SMCHD1: variants seen among roughly 807,000 people sequenced by gnomAD.
SMCHD1 encodes structural maintenance of chromosomes flexible hinge domain-containing protein 1.
SMCHD1 carries 78 observed loss-of-function variants against 254.7 expected under a neutral mutation model. The observed-to-expected ratio is 0.31, with a 90% CI of 0.26 to 0.37. The LOEUF (loss-of-function observed/expected upper bound fraction) is 0.37. SMCHD1 is among the 10% of genes least tolerant of loss of function. The pLI is 1.00. For missense variants in SMCHD1, 1,840 were observed against 2,408.1 expected, an observed-to-expected ratio of 0.76 and a Z score of 4.94; for synonymous variants, 766 against 794.9, an observed-to-expected ratio of 0.96 and a Z score of 0.61.
intron 45 of SMCHD1, among the ~76,000 whole-genome samples, chr18:2,792,395 T>C (rs1419614860): frequency 6.6e-6 from 1 of 152,224 alleles, no homozygotes; most frequent in Non-Finnish European, 1.5e-5. Context: ...CTACATACCA[T>C]GTAGGTTTGT....
At chr18:2,800,628 A>C in intron 47 of SMCHD1, 1 of 152,144 alleles carries the variant, frequency 6.6e-6, no homozygotes, top group East Asian at 1.9e-4. Context: ...CTGAGTCACC[A>C]TGCTCGGCCC....
intron 34 of SMCHD1, among the ~76,000 whole-genome samples, chr18:2,758,118 C>T (rs1380756542): frequency 6.6e-6 from 1 of 151,942 alleles, no homozygotes; most frequent in Non-Finnish European, 1.5e-5. Flanking sequence ...TCGTTTTTTT[C>T]CTGATAATCT....
chr18:2,662,483 A>G (rs1458695764), intron 1 of SMCHD1, among the ~76,000 whole-genome samples: 4 of 151,640 alleles, frequency 2.6e-5, no homozygotes, highest in Admixed American at 2.6e-4. Flanking sequence ...TGTCTCTACT[A>G]AAAATGCAAA....
chr18:2,699,341 T>G (rs1342188999), intron 10 of SMCHD1, among the ~76,000 whole-genome samples: 1 of 152,188 alleles, frequency 6.6e-6, no homozygotes, highest in Non-Finnish European at 1.5e-5. Flanking sequence ...TTTTTGGTTT[T>G]GTTTTTTATT....
intron 5 of SMCHD1, 84 bp downstream of exon 5, chr18:2,674,229 T>TGA: frequency 8.7e-7 from 1 of 1,149,048 alleles, no homozygotes; most frequent in Non-Finnish European, 1.2e-6. Context: ...TGGATGCATA[T>TGA]GATACATTGG....
chr18:2,754,101 T>A (rs2075627593), intron 34 of SMCHD1, among the ~76,000 whole-genome samples: 1 of 152,238 alleles, frequency 6.6e-6, no homozygotes. Flanking sequence ...CATCTTTGCC[T>A]ATCCTGTGGC....
At position 2,804,087 on chromosome 18, in the gene SMCHD1, T is replaced by C. The variant is rs1266100350; in HGVS notation, c.*1535T>C. ...TTTGGAGTCCTTAGACATTAGATTA[T>C]ATGAAAATGATTGATTGATAGGTAA... On this transcript the variant is annotated 3_prime_UTR_variant, in exon 48 of 48. Coordinates refer to ENST00000320876, the MANE Select transcript of SMCHD1 (RefSeq NM_015295.3). 1 of 152,234 alleles carries C rather than the reference T, an allele frequency of 6.6e-6. No homozygotes were observed. Among genetic ancestry groups the C allele is most frequent in the African/African-American group, 2.4e-5 (1 of 41,450 alleles). The allele number at this position is 152,234 out of a possible 1,614,324, so 9.4% of individuals were successfully genotyped here.
intron 19 of SMCHD1, among the ~76,000 whole-genome samples, chr18:2,721,288 A>G (rs1568232295): frequency 2.0e-5 from 3 of 151,768 alleles, no homozygotes; most frequent in Admixed American, 1.3e-4. Context: ...TTTCTTGTTT[A>G]CTGCTTTTGT....
chr18:2,737,222 A>C (rs1428134853), intron 25 of SMCHD1, among the ~76,000 whole-genome samples: 1 of 152,122 alleles, frequency 6.6e-6, no homozygotes, highest in African/African-American at 2.4e-5. Context: ...TGGAGATTCC[A>C]AAAAAGGGGA....
At chr18:2,762,038 T>C in intron 35 of SMCHD1, 67 bp from the exon 36 acceptor site, 1 of 1,354,588 alleles carries the variant, frequency 7.4e-7, no homozygotes. Flanking sequence ...TTGTTATGTC[T>C]TCCCTTCCTC....
chr18:2,708,914 T>TAA (rs1568199382), intron 17 of SMCHD1, among the ~76,000 whole-genome samples: 4,209 of 51,230 alleles, frequency 0.082, 465 homozygotes, highest in Non-Finnish European at 0.1. Context: ...ATATAACATA[T>TAA]TAACATGAAA....
rs189570209 is a variant in SMCHD1, at chr18:2,660,115, G to C, written c.186+3854G>C. Among the ~76,000 whole-genome samples, 634 of 152,250 alleles carry C rather than the reference G, an allele frequency of 4.2e-3. 2 individuals carry two copies. Among genetic ancestry groups the C allele is most frequent in the Non-Finnish European group, 4.9e-3 (336 of 68,008 alleles). ...AAGGCGGGCGGATCACCTGAGGTCA[G>C]GAGTTAGAGATCAGCTTGGCCAACA... On this transcript the variant is annotated intron_variant, in intron 1 of 47. Coordinates refer to ENST00000320876, the MANE Select transcript of SMCHD1 (RefSeq NM_015295.3).
chr18:2,658,048 A>G (rs1241534889), intron 1 of SMCHD1, among the ~76,000 whole-genome samples: 1 of 152,120 alleles, frequency 6.6e-6, no homozygotes, highest in Non-Finnish European at 1.5e-5. Context: ...CCGCCTCCCA[A>G]AGTGCTGGGA....
At chr18:2,736,474 A>G (rs1400860482) in intron 25 of SMCHD1, among the ~76,000 whole-genome samples, 1 of 152,210 alleles carries the variant, frequency 6.6e-6, no homozygotes, top group African/African-American at 2.4e-5. Flanking sequence ...CAGACAGCCT[A>G]CAGAATGGTA....
Position 2,694,578 on chromosome 18 carries a change from C to G in SMCHD1, c.925C>G (p.Leu309Val), listed in dbSNP as rs569470518. The change falls in exon 8 of 48, where the codon CTT becomes GTT. Residue 309 changes from leucine to valine, a missense_variant. By Grantham distance (32) the Leu-to-Val change is conservative (BLOSUM62 1). Coordinates refer to ENST00000320876, the MANE Select transcript of SMCHD1 (RefSeq NM_015295.3). ...TNDDERFLHHLIIEEKEKDSF... is the reference protein window; with the variant it reads ...TNDDERFLHHVIIEEKEKDSF... ...TGATGATGAAAGATTTCTACATCATCTTATCATAGAGGAGAAGGAAAAAGA... is the reference window on the plus strand; with the variant it reads ...TGATGATGAAAGATTTCTACATCATGTTATCATAGAGGAGAAGGAAAAAGA... The G allele has an allele frequency of 3.7e-5, 60 of 1,608,530 alleles. No homozygotes were observed. In the East Asian group the frequency reaches 1.3e-3, roughly 34 times the overall value.
At chr18:2,670,940 C>CT (rs1235079896) in intron 3 of SMCHD1, among the ~76,000 whole-genome samples, 9,067 of 124,332 alleles carry the variant, frequency 0.073, 1,174 homozygotes, top group African/African-American at 0.26. Context: ...TCTTTTAATT[C>CT]TTTTTTTTTT....
intron 29 of SMCHD1, among the ~76,000 whole-genome samples, chr18:2,747,125 C>G (rs537449373): frequency 6.6e-6 from 1 of 152,302 alleles, no homozygotes; most frequent in African/African-American, 2.4e-5. Context: ...TGAACACATT[C>G]TAGTGCTTAC....
intron 17 of SMCHD1, among the ~76,000 whole-genome samples, chr18:2,708,158 G>A (rs1269462534): frequency 1.3e-5 from 2 of 151,766 alleles, no homozygotes; most frequent in African/African-American, 2.4e-5. Flanking sequence ...TAAAGTAAAG[G>A]CATGATACAT....
At chr18:2,688,036 C>T (rs1383326701) in intron 5 of SMCHD1, among the ~76,000 whole-genome samples, 1 of 152,172 alleles carries the variant, frequency 6.6e-6, no homozygotes, top group African/African-American at 2.4e-5. Context: ...CATTATTCTT[C>T]AGACAATATT....
Sources: gnomAD v4.1 joint callset for allele counts (sites outside exome capture counted in the v4.1 genomes callset) on GRCh38, gnomAD v4.1.1 for gene constraint, MANE v1.5 for transcripts, NCBI Gene and HGNC (gene_info 2026-07-23, HGNC 2026-07-21) for gene names.